Variants in CSMD1 observed in about 807,000 individuals in gnomAD.
The protein encoded by CSMD1 is CUB and sushi domain-containing protein 1.
Under a neutral mutation model 417.5 loss-of-function variants are expected in CSMD1, and 213 were observed. That is an observed-to-expected ratio of 0.51 (90% CI 0.46 to 0.57). The LOEUF is 0.57. Among genes scored for constraint, CSMD1 ranks in the 20% least tolerant of loss-of-function variants. The pLI is 0.00. For synonymous variants in CSMD1, 2,862 were observed against 1,736.8 expected, an observed-to-expected ratio of 1.65 and a Z score of -16.11; for missense variants, 6,923 against 4,529.7, an observed-to-expected ratio of 1.53 and a Z score of -15.17.
At position 4,977,477 on chromosome 8, in the gene CSMD1, A is replaced by C. The variant is rs866269096; in HGVS notation, c.85+16855T>G. Among the ~76,000 whole-genome samples the C allele has an allele frequency of 2.6e-5, 4 of 152,280 alleles. No homozygotes were observed. In the South Asian group the frequency reaches 8.3e-4, roughly 32 times the overall value. On this transcript the variant is annotated intron_variant, in intron 1 of 69. Coordinates refer to ENST00000635120, the MANE Select transcript of CSMD1 (RefSeq NM_033225.6). The stretch of plus-strand genomic sequence containing the variant: ...CATGCACATTGGGAAAGAAGGTCTC[A>C]TCTCTTCTGGGCTTTCTTCACATTG...
At chr8:3,287,628 C>T (rs554146125) in intron 25 of CSMD1, among the ~76,000 whole-genome samples, 35 of 152,212 alleles carry the variant, frequency 2.3e-4, no homozygotes, top group African/African-American at 7.5e-4. Context: ...TATGAGAATG[C>T]TTGTGATTTT....
chr8:3,299,739 T>A (rs1263580935), intron 25 of CSMD1, among the ~76,000 whole-genome samples: 1 of 152,140 alleles, frequency 6.6e-6, no homozygotes, highest in African/African-American at 2.4e-5. Context: ...CCAAATGTAT[T>A]CACATGTCAA....
intron 37 of CSMD1, among the ~76,000 whole-genome samples, chr8:3,164,715 G>A (rs1405888334): frequency 1.3e-5 from 2 of 151,990 alleles, no homozygotes; most frequent in East Asian, 1.9e-4. Flanking sequence ...GATACTTCAA[G>A]GACACACCAG....
intron 3 of CSMD1, among the ~76,000 whole-genome samples, chr8:4,364,268 G>C (rs991868859): frequency 6.6e-6 from 1 of 152,066 alleles, no homozygotes; most frequent in Non-Finnish European, 1.5e-5. Context: ...GGGCAGAAAG[G>C]ATTACAACTT....
chr8:3,017,118 A>C (rs1001180382), intron 52 of CSMD1, among the ~76,000 whole-genome samples: 2 of 152,250 alleles, frequency 1.3e-5, no homozygotes, highest in South Asian at 4.1e-4. Context: ...GCAGCAATCA[A>C]CTGTAAGTTG....
At chr8:4,034,951 T>C (rs1200198192) in intron 3 of CSMD1, among the ~76,000 whole-genome samples, 2 of 152,172 alleles carry the variant, frequency 1.3e-5, no homozygotes, top group Non-Finnish European at 2.9e-5. Flanking sequence ...TGAAACACTC[T>C]GGAAATGGAA....
intron 2 of CSMD1, among the ~76,000 whole-genome samples, chr8:4,611,076 G>A (rs1481955601): frequency 6.6e-6 from 1 of 151,764 alleles, no homozygotes; most frequent in Non-Finnish European, 1.5e-5. Flanking sequence ...AAAAGTGAAA[G>A]AAGACCATAG....
intron 1 of CSMD1, among the ~76,000 whole-genome samples, chr8:4,992,657 T>A (rs1418364038): frequency 1.3e-5 from 2 of 152,178 alleles, no homozygotes; most frequent in African/African-American, 4.8e-5. Context: ...TTTAGCTGCC[T>A]CGCCTTCCAA....
At chr8:3,668,617 G>A (rs1798827320) in intron 7 of CSMD1, among the ~76,000 whole-genome samples, 1 of 152,066 alleles carries the variant, frequency 6.6e-6, no homozygotes, top group South Asian at 2.1e-4. Flanking sequence ...GAAGCCCTGG[G>A]GAGAAGAGAC....
At position 3,346,612 on chromosome 8, in the gene CSMD1, GAAGT is replaced by G. The variant is rs1335746098; in HGVS notation, c.3474+1376_3474+1379del. Reference sequence around the variant, plus strand: ...ATACAGGCAAACGCGGCCTTAGGAGGAAGTAAGGCCCTTTAATCTGTAAGCTTCT... The same window carrying G: ...ATACAGGCAAACGCGGCCTTAGGAGGAAGGCCCTTTAATCTGTAAGCTTCT... On this transcript the variant is annotated intron_variant, in intron 22 of 69. Transcript: ENST00000635120. 2.0e-5 allele frequency among the ~76,000 whole-genome samples: 3 copies of G among 152,172 alleles called. No individual in the cohort carries two copies. In the East Asian group the frequency reaches 5.8e-4, roughly 29 times the overall value.
chr8:4,633,337 C>T (rs943134694), intron 2 of CSMD1, among the ~76,000 whole-genome samples: 1 of 151,870 alleles, frequency 6.6e-6, no homozygotes, highest in Non-Finnish European at 1.5e-5. Flanking sequence ...AGCTCCGCCT[C>T]CCCAGTTCAC....
chr8:3,985,189 T>A (rs73180026), intron 5 of CSMD1, among the ~76,000 whole-genome samples: 1 of 151,860 alleles, frequency 6.6e-6, no homozygotes, highest in Admixed American at 6.6e-5. Context: ...TTCTCACAGT[T>A]TGTGGTAAAC....
chr8:4,296,230 G>A (rs74905840), intron 3 of CSMD1, among the ~76,000 whole-genome samples: 2,739 of 152,184 alleles, frequency 0.018, 44 homozygotes, highest in Non-Finnish European at 0.028. Context: ...TTAAAACCTT[G>A]ATCAGTGATT....
intron 12 of CSMD1, among the ~76,000 whole-genome samples, chr8:3,457,106 T>C (rs1375173095): frequency 6.6e-6 from 1 of 151,708 alleles, no homozygotes; most frequent in East Asian, 2.0e-4. Context: ...CCCCTCCCTC[T>C]GAATCCCTCA....
At chr8:4,097,420 T>C (rs1049128550) in intron 3 of CSMD1, among the ~76,000 whole-genome samples, 17 of 152,200 alleles carry the variant, frequency 1.1e-4, no homozygotes, top group African/African-American at 4.1e-4. Context: ...GAACGTTGTA[T>C]ACATATACGC....
chr8:2,984,471 C>G (rs1324050372), intron 54 of CSMD1, among the ~76,000 whole-genome samples: 1 of 152,106 alleles, frequency 6.6e-6, no homozygotes, highest in African/African-American at 2.4e-5. Flanking sequence ...GTCTCAGCCT[C>G]CTGAATAGCT....
intron 1 of CSMD1, among the ~76,000 whole-genome samples, chr8:4,989,281 GAA>G: frequency 6.8e-6 from 1 of 146,570 alleles, no homozygotes; most frequent in Middle Eastern, 3.5e-3. Context: ...AGTAAAAAAA[GAA>G]AAAAAAAAAT....
intron 23 of CSMD1, among the ~76,000 whole-genome samples, chr8:3,342,980 C>T (rs79107250): frequency 6.6e-6 from 1 of 152,052 alleles, no homozygotes; most frequent in Non-Finnish European, 1.5e-5. Context: ...TATATAAGCA[C>T]ATGAATTTGT....
intron 5 of CSMD1, among the ~76,000 whole-genome samples, chr8:3,858,871 C>T (rs1389265414): frequency 6.6e-6 from 1 of 152,058 alleles, no homozygotes; most frequent in African/African-American, 2.4e-5. Context: ...CCAGTAGGAT[C>T]AGGTTTATCG....
Sources: allele counts gnomAD v4.1 joint callset (sites outside exome capture counted in the v4.1 genomes callset), GRCh38; gene constraint gnomAD v4.1.1; transcripts MANE v1.5; gene names NCBI Gene and HGNC (gene_info 2026-07-23, HGNC 2026-07-21).